SCYL2: variants seen among roughly 807,000 people sequenced by gnomAD.
SCYL2 encodes SCY1-like protein 2.
SCYL2 carries 36 observed loss-of-function variants against 100.4 expected under a neutral mutation model. The observed-to-expected ratio is 0.36, with a 90% CI of 0.27 to 0.47. The LOEUF is 0.47. Among genes scored for constraint, SCYL2 ranks in the 20% least tolerant of loss-of-function variants. SCYL2 has a pLI of 1.00. For missense variants in SCYL2, 902 were observed against 1,083.9 expected, an observed-to-expected ratio of 0.83 and a Z score of 2.36; for synonymous variants, 330 against 359.2, an observed-to-expected ratio of 0.92 and a Z score of 0.92.
intron 2 of SCYL2, 25 bp from the exon 3 acceptor site, chr12:100,291,478 A>G: frequency 7.1e-7 from 1 of 1,412,664 alleles, no homozygotes; most frequent in Non-Finnish European, 9.6e-7. Context: ...TTTCTTGACT[A>G]AAATTACACA....
chr12:100,301,107 T>C (rs1214001313), intron 4 of SCYL2, among the ~76,000 whole-genome samples: 1 of 152,214 alleles, frequency 6.6e-6, no homozygotes, highest in East Asian at 1.9e-4. Flanking sequence ...CTAATTTACA[T>C]CCCCGCCAAC....
intron 2 of SCYL2, among the ~76,000 whole-genome samples, chr12:100,286,386 A>G (rs1028097250): frequency 6.6e-6 from 1 of 152,202 alleles, no homozygotes; most frequent in Non-Finnish European, 1.5e-5. Flanking sequence ...AAATTGATTC[A>G]TTTAACATTT....
chr12:100,330,973 C>T (rs1263511152), intron 13 of SCYL2, among the ~76,000 whole-genome samples: 1 of 151,850 alleles, frequency 6.6e-6, no homozygotes, highest in East Asian at 1.9e-4. Context: ...GGATTACAGG[C>T]ATGAGGCACC....
At chr12:100,287,191 A>G (rs1478997154) in intron 2 of SCYL2, among the ~76,000 whole-genome samples, 4 of 152,228 alleles carry the variant, frequency 2.6e-5, no homozygotes, top group Non-Finnish European at 4.4e-5. Context: ...ACTATAAATC[A>G]TGTAATTTAA....
intron 13 of SCYL2, among the ~76,000 whole-genome samples, chr12:100,332,201 T>C (rs1019497402): frequency 2.6e-5 from 4 of 152,192 alleles, no homozygotes; most frequent in African/African-American, 9.6e-5. Context: ...CCAGGGAAAC[T>C]TATTAGAGAC....
At position 100,267,186 on chromosome 12, in the gene SCYL2, C is replaced by T. The variant is rs369842431; in HGVS notation, c.-635C>T. 1,281 of 1,218,254 alleles carry T rather than the reference C, an allele frequency of 1.1e-3. 15 individuals carry two copies. In the African/African-American group the frequency reaches 0.017, roughly 16 times the overall value. 75.5% of individuals were successfully genotyped at this position (1,218,254 alleles called of 1,614,324 possible). On this transcript the variant is annotated 5_prime_UTR_variant, in exon 1 of 18. Coordinates refer to ENST00000360820, the MANE Select transcript of SCYL2 (RefSeq NM_017988.6). ...GGCCGGCAGGTCTTTTAGTCTTTTT[C>T]CCCCTCCCTTACTCTTCGTCCCCGG...
intron 2 of SCYL2, among the ~76,000 whole-genome samples, chr12:100,288,733 A>G (rs1307004504): frequency 6.6e-6 from 1 of 151,740 alleles, no homozygotes; most frequent in African/African-American, 2.4e-5. Flanking sequence ...GCTACTCGGG[A>G]GACTGAGGTG....
chr12:100,333,629 G>A (rs945892248), intron 13 of SCYL2: 1 of 152,438 alleles, frequency 6.6e-6, no homozygotes, highest in Non-Finnish European at 1.5e-5. Context: ...ACTATGTTAA[G>A]ACATAGTGCT....
intron 14 of SCYL2, among the ~76,000 whole-genome samples, chr12:100,335,183 T>C (rs1010705945): frequency 1.3e-5 from 2 of 152,070 alleles, no homozygotes; most frequent in Non-Finnish European, 2.9e-5. Flanking sequence ...AGTTGGCAAA[T>C]GAACCCTTCC....
At chr12:100,295,303 G>A (rs11110333) in intron 3 of SCYL2, among the ~76,000 whole-genome samples, 6,568 of 152,146 alleles carry the variant, frequency 0.043, 146 homozygotes, top group South Asian at 0.084. Flanking sequence ...GGTGGCGGCC[G>A]GGCAGAGGAT....
Position 100,291,583 on chromosome 12 carries a change from A to G in SCYL2, c.258A>G (p.Leu86=), listed in dbSNP as rs1180983585. The G allele has an allele frequency of 3.1e-6, 5 of 1,599,988 alleles. No homozygotes were observed. Among genetic ancestry groups the G allele is most frequent in the Middle Eastern group, 1.7e-4 (1 of 6,052 alleles). ...KFEKDQIIDS[L]KRGVQQLTRL... ...AAAAGGATCAAATCATTGATTCTCTAAAACGAGGAGTCCAACAGTTAACTC... is the reference window on the plus strand; with the variant it reads ...AAAAGGATCAAATCATTGATTCTCTGAAACGAGGAGTCCAACAGTTAACTC... The change falls in exon 3 of 18, where the codon CTA becomes CTG. Residue 86 remains leucine (L), a synonymous_variant. Transcript: ENST00000360820.
intron 3 of SCYL2, among the ~76,000 whole-genome samples, chr12:100,297,252 T>C (rs1170711507): frequency 6.6e-6 from 1 of 152,152 alleles, no homozygotes; most frequent in Non-Finnish European, 1.5e-5. Flanking sequence ...TCAAGGTGGG[T>C]CTATTATCAC....
intron 1 of SCYL2, among the ~76,000 whole-genome samples, chr12:100,276,769 T>A (rs2135807100): frequency 6.6e-6 from 1 of 152,194 alleles, no homozygotes; most frequent in East Asian, 1.9e-4. Flanking sequence ...TTAAATTCAG[T>A]CTCTTTCATT....
intron 2 of SCYL2, among the ~76,000 whole-genome samples, chr12:100,286,245 A>G (rs1242397994): frequency 1.3e-5 from 2 of 152,158 alleles, no homozygotes; most frequent in East Asian, 3.8e-4. Flanking sequence ...GATGTTTAAA[A>G]AAATGTGTGT....
chr12:100,296,507 G>C (rs538293880), intron 3 of SCYL2, among the ~76,000 whole-genome samples: 2 of 152,152 alleles, frequency 1.3e-5, no homozygotes, highest in African/African-American at 4.8e-5. Context: ...GAATATTGTC[G>C]TATGGCAGGA....
intron 16 of SCYL2, 138 bp from the exon 17 acceptor site, chr12:100,337,249 C>G: frequency 9.8e-7 from 1 of 1,018,582 alleles, no homozygotes; most frequent in Non-Finnish European, 1.4e-6. Context: ...ATACAGCTTA[C>G]TGTGACAATC....
rs778330091 is a variant in SCYL2 at position 100,315,640 on chromosome 12, T to C, written c.1178T>C (p.Val393Ala). ...ATGGTACCTTTTGTTTTGCCCAATGTTCTACTTATTGCTGAGGAATGCACC... is the reference window on the plus strand; with the variant it reads ...ATGGTACCTTTTGTTTTGCCCAATGCTCTACTTATTGCTGAGGAATGCACC... ...PDMVPFVLPNVLLIAEECTKE... is the reference protein window; with the variant it reads ...PDMVPFVLPNALLIAEECTKE... Residue 393 changes from valine to alanine, a missense_variant, in exon 9 of 18, where the codon GTT (valine) becomes GCT (alanine). Coordinates refer to ENST00000360820, the MANE Select transcript of SCYL2 (RefSeq NM_017988.6). 8.7e-6 allele frequency: 14 copies of C among 1,612,592 alleles called. No homozygotes were observed. Among genetic ancestry groups the C allele is most frequent in the Non-Finnish European group, 1.2e-5 (14 of 1,179,182 alleles).
At chr12:100,286,456 G>A (rs2096304547) in intron 2 of SCYL2, among the ~76,000 whole-genome samples, 1 of 151,794 alleles carries the variant, frequency 6.6e-6, no homozygotes, top group Admixed American at 6.6e-5. Context: ...TTTTGCAGTA[G>A]ACCTTTTTTC....
chr12:100,312,337 C>T, intron 5 of SCYL2, 95 bp from the exon 6 acceptor site: 1 of 939,678 alleles, frequency 1.1e-6, no homozygotes, highest in Non-Finnish European at 1.6e-6. Flanking sequence ...TTTTTACTTG[C>T]ATGACCGAGT....
Sources: gnomAD v4.1 joint callset for allele counts (sites outside exome capture counted in the v4.1 genomes callset) on GRCh38, gnomAD v4.1.1 for gene constraint, MANE v1.5 for transcripts, NCBI Gene and HGNC (gene_info 2026-07-23, HGNC 2026-07-21) for gene names.